ENPP2: variants seen among roughly 807,000 people sequenced by gnomAD.
ENPP2 encodes autotaxin.
ENPP2 carries 51 observed loss-of-function variants against 120.2 expected under a neutral mutation model. The ratio of observed to expected loss-of-function variants is 0.42; its 90% CI spans 0.34 to 0.54. The LOEUF (loss-of-function observed/expected upper bound fraction) is 0.54, where lower values mean the gene tolerates loss of function less well. Ranked by LOEUF, ENPP2 falls within the 20% of genes least tolerant of loss-of-function variation. ENPP2 has a pLI of 0.04. For missense variants in ENPP2, 920 were observed against 1,066.5 expected (o/e 0.86, Z 1.91); for synonymous variants, 365 against 366.4 (o/e 1.00, Z 0.04).
intron 1 of ENPP2, among the ~76,000 whole-genome samples, chr8:119,659,718 C>T (rs969676936): frequency 3.3e-5 from 5 of 152,298 alleles, no homozygotes; most frequent in Admixed American, 3.3e-4. Context: ...AAATATGCTT[C>T]AAAGGGTGAA....
intron 11 of ENPP2, among the ~76,000 whole-genome samples, chr8:119,595,349 CTA>C (rs1202808442): frequency 6.6e-6 from 1 of 152,176 alleles, no homozygotes; most frequent in African/African-American, 2.4e-5. Flanking sequence ...ACATACAACT[CTA>C]TCCGCCCATT....
intron 2 of ENPP2, among the ~76,000 whole-genome samples, chr8:119,632,587 C>A (rs1311375086): frequency 6.6e-6 from 1 of 152,278 alleles, no homozygotes; most frequent in African/African-American, 2.4e-5. Context: ...TGTATAACAA[C>A]AATGCAATGC....
At chr8:119,648,592 C>A (rs1292939730) in intron 1 of ENPP2, among the ~76,000 whole-genome samples, 1 of 152,174 alleles carries the variant, frequency 6.6e-6, no homozygotes, top group South Asian at 2.1e-4. Flanking sequence ...CTTGCCGCTG[C>A]AAAGGTGTCA....
At chr8:119,652,855 C>T (rs1817664119) in intron 1 of ENPP2, among the ~76,000 whole-genome samples, 1 of 152,166 alleles carries the variant, frequency 6.6e-6, no homozygotes, top group South Asian at 2.1e-4. Flanking sequence ...CTGAGCGAGA[C>T]AGCCAGATCT....
intron 8 of ENPP2, 42 bp from the exon 9 acceptor site, chr8:119,608,019 T>A: frequency 6.8e-7 from 1 of 1,460,154 alleles, no homozygotes; most frequent in Non-Finnish European, 9.4e-7. Flanking sequence ...TGTTCTGTGT[T>A]TTTGTCAAAG....
At chr8:119,595,925 T>C in intron 11 of ENPP2, 1 of 1,613,824 alleles carries the variant, frequency 6.2e-7, no homozygotes, top group Non-Finnish European at 8.5e-7. Flanking sequence ...GAGCAACTGG[T>C]CTTTCCTGTC....
intron 1 of ENPP2, among the ~76,000 whole-genome samples, chr8:119,667,261 T>C (rs1464316294): frequency 6.6e-6 from 1 of 152,216 alleles, no homozygotes; most frequent in Non-Finnish European, 1.5e-5. Context: ...CCTTCCAGCC[T>C]GGCTAACCAT....
chr8:119,575,939 A>G (rs1247473365), intron 19 of ENPP2, among the ~76,000 whole-genome samples: 1 of 152,226 alleles, frequency 6.6e-6, no homozygotes, highest in Non-Finnish European at 1.5e-5. Flanking sequence ...AAAAACACAC[A>G]GATACACACG....
chr8:119,591,474 A>G (rs1439519090), intron 12 of ENPP2, among the ~76,000 whole-genome samples: 1 of 152,196 alleles, frequency 6.6e-6, no homozygotes, highest in Non-Finnish European at 1.5e-5. Flanking sequence ...TAGACTATGG[A>G]GGCTACTAGA....
In ENPP2 at chr8:119,610,027, C is replaced by T. The variant is rs545754086; in HGVS notation, c.778-2050G>A. Among the ~76,000 whole-genome samples, 17 of 152,276 alleles carry T rather than the reference C, an allele frequency of 1.1e-4. No homozygotes were observed. The South Asian group carries it at 2.9e-3, about 26-fold the overall frequency. ...AAAAGATCACTGGAAGAGGTCTTTA[C>T]AGTGTCAAAAGGAAGGAGCACACAG... On this transcript the variant is annotated intron_variant, in intron 8 of 24. Transcript: ENST00000075322.
intron 4 of ENPP2, 26 bp from the exon 5 acceptor site, chr8:119,619,330 T>C (rs755662562): frequency 9.3e-6 from 14 of 1,498,306 alleles, no homozygotes; most frequent in South Asian, 1.1e-5. Context: ...GGTAAATGTA[T>C]TGTTGAATCT....
At chr8:119,645,233 C>T (rs1239754986) in intron 1 of ENPP2, among the ~76,000 whole-genome samples, 1 of 152,224 alleles carries the variant, frequency 6.6e-6, no homozygotes, top group Non-Finnish European at 1.5e-5. Context: ...AGCGTGATGC[C>T]TCTCTACTAC....
At chr8:119,626,754 G>C (rs551740540) in intron 2 of ENPP2, 34 bp from the exon 3 acceptor site, 1 of 1,606,662 alleles carries the variant, frequency 6.2e-7, no homozygotes, top group Admixed American at 1.7e-5. Context: ...CAATGGACTG[G>C]AGAGTGGTCA....
intron 22 of ENPP2, among the ~76,000 whole-genome samples, chr8:119,567,959 T>G (rs539372052): frequency 6.6e-6 from 1 of 152,286 alleles, no homozygotes; most frequent in South Asian, 2.1e-4. Flanking sequence ...CCAACCTTCC[T>G]CACAGATTCA....
At chr8:119,595,662 A>G (rs1383047953) in intron 11 of ENPP2, among the ~76,000 whole-genome samples, 1 of 152,166 alleles carries the variant, frequency 6.6e-6, no homozygotes, top group Non-Finnish European at 1.5e-5. Context: ...TGTCATGTTG[A>G]GTTCAGGCAG....
intron 19 of ENPP2, among the ~76,000 whole-genome samples, chr8:119,573,850 G>T (rs1183372988): frequency 6.6e-6 from 1 of 152,150 alleles, no homozygotes; most frequent in African/African-American, 2.4e-5. Flanking sequence ...GAGTTCCATA[G>T]CTTCCAAGCT....
chr8:119,617,240 G>A lies in ENPP2; in HGVS notation c.581C>T (p.Ser194Phe). The A allele has an allele frequency of 6.2e-7, 1 of 1,611,818 alleles. No individual in the cohort carries two copies. The highest frequency in any genetic ancestry group is 1.1e-5 in the South Asian group (1 of 91,040). ...KVMPNIEKLR[S>F]CGTHSPYMRP... ...CATGTAGGGAGAGTGTGTGCCACAAGACCCTGGAAAGAGAATTGCAAATAT... is the reference window on the plus strand; with the variant it reads ...CATGTAGGGAGAGTGTGTGCCACAAAACCCTGGAAAGAGAATTGCAAATAT... The change falls in exon 7 of 25, where the codon TCT becomes TTT. Residue 194 changes from serine to phenylalanine, a missense_variant. Ser to Phe is a radical substitution (Grantham distance 155, BLOSUM62 -2). Transcript: ENST00000075322.
At chr8:119,662,957 A>AT (rs977017100) in intron 1 of ENPP2, among the ~76,000 whole-genome samples, 4 of 151,930 alleles carry the variant, frequency 2.6e-5, no homozygotes, top group Non-Finnish European at 4.4e-5. Flanking sequence ...CCAAAAATAT[A>AT]TTTTTTTAAA....
chr8:119,570,220 G>T (rs1020190622), intron 20 of ENPP2, among the ~76,000 whole-genome samples: 1 of 144,108 alleles, frequency 6.9e-6, no homozygotes, highest in Non-Finnish European at 1.5e-5. Context: ...AGTGAGCTGA[G>T]ATCATGCCAC....
Sources: allele counts gnomAD v4.1 joint callset (sites outside exome capture counted in the v4.1 genomes callset), GRCh38; gene constraint gnomAD v4.1.1; transcripts MANE v1.5; gene names NCBI Gene and HGNC (gene_info 2026-07-23, HGNC 2026-07-21).